CTCF: variants seen among roughly 807,000 people sequenced by gnomAD.
The protein encoded by CTCF is CCCTC-binding factor.
In CTCF, 7 loss-of-function variants were observed where a neutral mutation model predicts 72.3. The observed-to-expected ratio is 0.10, with a 90% CI of 0.06 to 0.18. CTCF has a LOEUF of 0.18. Among genes scored for constraint, CTCF ranks in the 10% least tolerant of loss-of-function variants. CTCF has a pLI of 1.00. For missense variants in CTCF, 516 were observed against 949.1 expected (o/e 0.54, Z 6.00); for synonymous variants, 374 against 315.8 (o/e 1.18, Z -1.95).
intron 8 of CTCF, chr16:67,627,921 TC>T (rs2052313042): frequency 1.2e-5 from 1 of 86,722 alleles, no homozygotes; most frequent in Non-Finnish European, 2.1e-5. Context: ...AGACTCCATC[TC>T]AAAAAAAAAA....
chr16:67,628,549 T>C lies in CTCF; in HGVS notation c.1698T>C (p.Arg566=). ...VCSKCGKTFT[R]RNTMARHADN... ...CTAAGTGTGGGAAAACATTTACACG[T>C]CGGGTAAGGGTCAGAACTTCACTTT... is the stretch of plus-strand genomic sequence containing the variant. Residue 566 remains arginine (R), a synonymous_variant, in exon 9 of 12, where the codon CGT becomes CGC. Transcript: ENST00000264010. 6.2e-7 allele frequency: 1 copy of C among 1,613,910 alleles called. No individual in the cohort carries two copies. The highest frequency in any genetic ancestry group is 8.5e-7 in the Non-Finnish European group (1 of 1,179,788).
intron 2 of CTCF, among the ~76,000 whole-genome samples, chr16:67,580,598 G>A (rs1249570042): frequency 6.6e-6 from 1 of 151,508 alleles, no homozygotes. Flanking sequence ...TCTCGCTCTT[G>A]TCCACCAGGC....
At chr16:67,626,107 A>T (rs1436395833) in intron 7 of CTCF, among the ~76,000 whole-genome samples, 2 of 151,834 alleles carry the variant, frequency 1.3e-5, no homozygotes, top group Non-Finnish European at 2.9e-5. Flanking sequence ...CTGCCTTTTC[A>T]TTCATTTTCT....
chr16:67,572,718 T>C (rs1429782063), intron 2 of CTCF: 1 of 152,158 alleles, frequency 6.6e-6, no homozygotes, highest in Non-Finnish European at 1.5e-5. Context: ...GGCAGGTAGA[T>C]CACTTGAGGT....
chr16:67,580,798 T>C (rs35172031), intron 2 of CTCF, among the ~76,000 whole-genome samples: 3 of 145,576 alleles, frequency 2.1e-5, no homozygotes, highest in African/African-American at 7.7e-5. Flanking sequence ...TTTTTTTTAG[T>C]AGAGACAGGG....
At chr16:67,590,505 A>C (rs2051727610) in intron 2 of CTCF, among the ~76,000 whole-genome samples, 1 of 151,742 alleles carries the variant, frequency 6.6e-6, no homozygotes, top group Admixed American at 6.6e-5. Context: ...ATAATTTTTT[A>C]TTTTTATTTT....
At chr16:67,571,729 C>T (rs2051423159) in intron 2 of CTCF, among the ~76,000 whole-genome samples, 2 of 152,142 alleles carry the variant, frequency 1.3e-5, no homozygotes, top group Admixed American at 1.3e-4. Flanking sequence ...GAATCCTGTT[C>T]TTGGGGAACC....
intron 2 of CTCF, among the ~76,000 whole-genome samples, chr16:67,582,202 C>T (rs1231440038): frequency 2.0e-5 from 3 of 147,472 alleles, no homozygotes; most frequent in South Asian, 4.2e-4. Flanking sequence ...CAGAGCAAGA[C>T]TCCGTCTCAA....
intron 2 of CTCF, among the ~76,000 whole-genome samples, chr16:67,573,628 C>G (rs1009514327): frequency 2.0e-5 from 3 of 152,172 alleles, no homozygotes; most frequent in African/African-American, 7.2e-5. Context: ...AGCTATAGAA[C>G]AGCTCTGCTA....
chr16:67,635,335 G>GT lies in CTCF; in HGVS notation c.1838-1347dup, dbSNP rs764892007. ...ATGCCTGGCCACCTTTTGTTTTTTT[G>GT]TTTTTTTTAAAGTAGAGACGGGGTT... On this transcript the variant is annotated intron_variant, in intron 10 of 11. Coordinates refer to ENST00000264010, the MANE Select transcript of CTCF (RefSeq NM_006565.4). Among the ~76,000 whole-genome samples the GT allele has an allele frequency of 1.5e-3, 222 of 148,724 alleles. 3 individuals carry two copies. Among genetic ancestry groups the GT allele is most frequent in the East Asian group, 5.6e-3 (27 of 4,830 alleles).
intron 2 of CTCF, among the ~76,000 whole-genome samples, chr16:67,591,557 G>A (rs548047290): frequency 6.6e-6 from 1 of 152,268 alleles, no homozygotes; most frequent in Non-Finnish European, 1.5e-5. Context: ...TGGCGTATAT[G>A]TTTTCAGGAA....
At chr16:67,602,667 C>T (rs2051909895) in intron 2 of CTCF, among the ~76,000 whole-genome samples, 1 of 151,868 alleles carries the variant, frequency 6.6e-6, no homozygotes, top group South Asian at 2.1e-4. Flanking sequence ...CATGGAGAAA[C>T]CCTGTCTCTC....
intron 2 of CTCF, among the ~76,000 whole-genome samples, chr16:67,588,575 C>G (rs2051698445): frequency 6.6e-6 from 1 of 152,136 alleles, no homozygotes; most frequent in Admixed American, 6.6e-5. Flanking sequence ...AGGCAGCCTC[C>G]TGTTGGTACT....
chr16:67,575,989 TAAAA>T (rs35681914), intron 2 of CTCF, among the ~76,000 whole-genome samples: 2 of 114,110 alleles, frequency 1.8e-5, no homozygotes, highest in South Asian at 2.8e-4. Flanking sequence ...ACCTTGTCTG[TAAAA>T]AAAAAAAAAA....
rs1326763921 is a variant in CTCF, at chr16:67,611,407, A to C, written c.575A>C (p.Gln192Pro). Residue 192 changes from glutamine (Q) to proline (P), a missense_variant, in exon 3 of 12, where the codon CAA (glutamine) becomes CCA (proline). By Grantham distance (76) the Gln-to-Pro change is moderately conservative (BLOSUM62 -1). Coordinates refer to ENST00000264010, the MANE Select transcript of CTCF (RefSeq NM_006565.4). ...CCACCCCAGGAAGATCCTAGTTGGCAAAAAGACCCAGACTATCAGCCACCA... is the reference window on the plus strand; with the variant it reads ...CCACCCCAGGAAGATCCTAGTTGGCCAAAAGACCCAGACTATCAGCCACCA... ...ELPPQEDPSWQKDPDYQPPAK... is the reference protein window; with the variant it reads ...ELPPQEDPSWPKDPDYQPPAK... 6.2e-7 allele frequency: 1 copy of C among 1,614,210 alleles called. No individual in the cohort carries two copies. Among genetic ancestry groups the C allele is most frequent in the Non-Finnish European group, 8.5e-7 (1 of 1,180,036 alleles).
intron 5 of CTCF, among the ~76,000 whole-genome samples, chr16:67,617,188 C>G (rs1356926029): frequency 6.6e-6 from 1 of 151,540 alleles, no homozygotes; most frequent in Admixed American, 6.6e-5. Flanking sequence ...ATGGAGAAAC[C>G]CGATCTGTAC....
intron 7 of CTCF, among the ~76,000 whole-genome samples, chr16:67,621,985 T>C (rs2052205780): frequency 6.6e-6 from 1 of 152,168 alleles, no homozygotes; most frequent in South Asian, 2.1e-4. Flanking sequence ...GTAATGGGAC[T>C]GTTTTATTGG....
At chr16:67,633,686 C>T (rs993318549) in intron 10 of CTCF, among the ~76,000 whole-genome samples, 2 of 151,978 alleles carry the variant, frequency 1.3e-5, no homozygotes, top group African/African-American at 4.8e-5. Context: ...TTAGAAGCTG[C>T]AGTGAGCTAT....
At position 67,628,470 on chromosome 16, in the gene CTCF, T is replaced by C; in HGVS notation, c.1619T>C (p.Met540Thr). The change falls in exon 9 of 12, where the codon ATG becomes ACG. Residue 540 changes from methionine to threonine, a missense_variant. Met to Thr is a moderately conservative substitution (Grantham distance 81). Around this residue, in one of 7 missense-constraint regions of CTCF, gnomAD observed 81 missense variants for 184.3 expected, o/e 0.44. Coordinates refer to ENST00000264010, the MANE Select transcript of CTCF (RefSeq NM_006565.4). ...KTFRQKQLLD[M>T]HFKRYHDPNF... The stretch of plus-strand genomic sequence containing the variant: ...TTCCGCCAGAAGCAGCTTCTCGACA[T>C]GCACTTCAAGCGCTATCACGACCCC... 6.2e-7 allele frequency: 1 copy of C among 1,614,230 alleles called. No homozygotes were observed. The highest frequency in any genetic ancestry group is 8.5e-7 in the Non-Finnish European group (1 of 1,180,044).
Sources: allele counts gnomAD v4.1 joint callset (sites outside exome capture counted in the v4.1 genomes callset), GRCh38; gene constraint gnomAD v4.1.1; regional missense constraint gnomAD v4.1.1; transcripts MANE v1.5; gene names NCBI Gene and HGNC (gene_info 2026-07-23, HGNC 2026-07-21).